Variants in S1PR4 observed in about 807,000 individuals in gnomAD.
S1PR4 encodes sphingosine-1-phosphate receptor 4.
In S1PR4, 1 loss-of-function variant was observed where a neutral mutation model predicts 0.4. The ratio of observed to expected loss-of-function variants is 2.48; its 90% CI spans 0.88 to 11.76. The LOEUF is 11.76. Among genes scored for constraint, S1PR4 ranks in the 30% most tolerant of loss-of-function variants. The pLI, the probability that S1PR4 is intolerant of heterozygous loss-of-function variation, is 0.12. For missense variants in S1PR4, 595 were observed against 557.8 expected (o/e 1.07, Z -0.67); for synonymous variants, 296 against 266.7 (o/e 1.11, Z -1.07).
At position 3,179,283 on chromosome 19, in the gene S1PR4, G is replaced by T; in HGVS notation, c.491G>T (p.Gly164Val). 6.2e-7 allele frequency: 1 copy of T among 1,606,560 alleles called. No homozygotes were observed. The change falls in exon 1 of 1, where the codon GGC (glycine) becomes GTC (valine). Residue 164 changes from glycine (G) to valine (V), a missense_variant. Transcript: ENST00000246115. ...GCCACCAAGACCAGCCGCGTCTACG[G>T]CTTCATCGGCCTCTGCTGGCTGCTG... The part of the protein sequence containing the change: ...SGATKTSRVY[G>V]FIGLCWLLAA...
In S1PR4 at chr19:3,179,032, G is replaced by C; in HGVS notation, c.240G>C (p.Trp80Cys). The change falls in exon 1 of 1, where the codon TGG becomes TGC. Residue 80 changes from tryptophan (W) to cysteine (C), a missense_variant. Trp to Cys is a radical substitution (Grantham distance 215, BLOSUM62 -2). Coordinates refer to ENST00000246115, the MANE Select transcript of S1PR4 (RefSeq NM_003775.4). The part of the protein sequence containing the change: ...AITSHMRSRR[W>C]VYYCLVNITL... ...CCAGCCACATGCGGTCGCGACGCTG[G>C]GTCTACTATTGCCTGGTGAACATCA... The C allele has an allele frequency of 3.1e-6, 5 of 1,605,244 alleles. No homozygotes were observed. Among genetic ancestry groups the C allele is most frequent in the Non-Finnish European group, 4.2e-6 (5 of 1,178,972 alleles).
In S1PR4 at chr19:3,179,007, C is replaced by T. The variant is rs1210979921; in HGVS notation, c.215C>T (p.Thr72Ile). 1.9e-6 allele frequency: 3 copies of T among 1,593,806 alleles called. No individual in the cohort carries two copies. The highest frequency in any genetic ancestry group is 2.6e-6 in the Non-Finnish European group (3 of 1,175,124). Residue 72 changes from threonine to isoleucine, a missense_variant, in exon 1 of 1, where the codon ACC (threonine) becomes ATC (isoleucine). Coordinates refer to ENST00000246115, the MANE Select transcript of S1PR4 (RefSeq NM_003775.4). ...LENLLVLAAITSHMRSRRWVY... is the reference protein window; with the variant it reads ...LENLLVLAAIISHMRSRRWVY... ...AACTTGCTGGTGCTGGCGGCCATCA[C>T]CAGCCACATGCGGTCGCGACGCTGG...
In S1PR4 at chr19:3,178,958, G is replaced by A. The variant is rs770756118; in HGVS notation, c.166G>A (p.Ala56Thr). The A allele has an allele frequency of 3.0e-5, 47 of 1,548,322 alleles. No homozygotes were observed. Among genetic ancestry groups the A allele is most frequent in the Middle Eastern group, 2.2e-4 (1 of 4,642 alleles). Residue 56 changes from alanine to threonine, a missense_variant, in exon 1 of 1, where the codon GCC becomes ACC. Ala to Thr is a moderately conservative substitution (Grantham distance 58). Coordinates refer to ENST00000246115, the MANE Select transcript of S1PR4 (RefSeq NM_003775.4). ...LGALRGLSVA[A>T]SCLVVLENLL... ...GGCCCTGCGGGGGCTGTCGGTGGCCGCCAGCTGCCTGGTGGTGCTGGAGAA... is the reference window on the plus strand; with the variant it reads ...GGCCCTGCGGGGGCTGTCGGTGGCCACCAGCTGCCTGGTGGTGCTGGAGAA...
chr19:3,179,840 A>G lies in S1PR4; in HGVS notation c.1048A>G (p.Thr350Ala). ...CGTCGAGGCTCACTCCGGAGCTTCC[A>G]CCACCGACAGCTCTCTGAGGCCAAG... ...RAVEAHSGAS[T>A]TDSSLRPRDS... The change falls in exon 1 of 1, where the codon ACC (threonine) becomes GCC (alanine). Residue 350 changes from threonine (T) to alanine (A), a missense_variant. Physicochemically the swap from Thr to Ala is moderately conservative, Grantham distance 58. Transcript: ENST00000246115. 6.3e-7 allele frequency: 1 copy of G among 1,583,098 alleles called. No individual in the cohort carries two copies. The highest frequency in any genetic ancestry group is 8.6e-7 in the Non-Finnish European group (1 of 1,164,720).
At position 3,179,168 on chromosome 19, in the gene S1PR4, T is replaced by C. The variant is rs1341882371; in HGVS notation, c.376T>C (p.Phe126Leu). ...AQWFLREGLL[F>L]TALAASTFSL... Reference sequence around the variant, plus strand: ...GTGGTTCCTACGGGAGGGCCTGCTCTTCACCGCCCTGGCCGCCTCCACCTT... The same window carrying C: ...GTGGTTCCTACGGGAGGGCCTGCTCCTCACCGCCCTGGCCGCCTCCACCTT... The change falls in exon 1 of 1, where the codon TTC (phenylalanine) becomes CTC (leucine). Residue 126 changes from phenylalanine to leucine, a missense_variant. Phe to Leu is a conservative substitution (Grantham distance 22, BLOSUM62 0). Coordinates refer to ENST00000246115, the MANE Select transcript of S1PR4 (RefSeq NM_003775.4). The C allele has an allele frequency of 1.2e-6, 2 of 1,611,212 alleles. No homozygotes were observed. Among genetic ancestry groups the C allele is most frequent in the Non-Finnish European group, 8.5e-7 (1 of 1,179,082 alleles).
At position 3,179,293 on chromosome 19, in the gene S1PR4, C is replaced by T. The variant is rs752484901; in HGVS notation, c.501C>T (p.Gly167=). The change falls in exon 1 of 1, where the codon GGC becomes GGT. Residue 167 remains glycine (G), a synonymous_variant. Transcript: ENST00000246115. ...TKTSRVYGFI[G]LCWLLAALLG... ...CCAGCCGCGTCTACGGCTTCATCGG[C>T]CTCTGCTGGCTGCTGGCCGCGCTGC... 2.2e-5 allele frequency: 35 copies of T among 1,608,270 alleles called. No individual in the cohort carries two copies. Among genetic ancestry groups the T allele is most frequent in the Non-Finnish European group, 2.6e-5 (31 of 1,177,602 alleles).
rs117794457 is a variant in S1PR4, at chr19:3,179,059, G to A, written c.267G>A (p.Thr89=). Reference sequence around the variant, plus strand: ...TCTACTATTGCCTGGTGAACATCACGCTGAGTGACCTGCTCACGGGCGCGG... The same window carrying A: ...TCTACTATTGCCTGGTGAACATCACACTGAGTGACCTGCTCACGGGCGCGG... ...RWVYYCLVNI[T]LSDLLTGAAY... Residue 89 remains threonine (T), a synonymous_variant, in exon 1 of 1, where the codon ACG becomes ACA. Coordinates refer to ENST00000246115, the MANE Select transcript of S1PR4 (RefSeq NM_003775.4). The A allele has an allele frequency of 9.9e-4, 1,600 of 1,609,190 alleles. 1 individual carries two copies. The highest frequency in any genetic ancestry group is 2.4e-3 in the East Asian group (107 of 44,860).
rs778768895 is a variant in S1PR4, at chr19:3,179,494, G to A, written c.702G>A (p.Gly234=). Residue 234 remains glycine (G), a synonymous_variant, in exon 1 of 1, where the codon GGG becomes GGA. Coordinates refer to ENST00000246115, the MANE Select transcript of S1PR4 (RefSeq NM_003775.4). The part of the protein sequence containing the change: ...GAIFRLVQAS[G]QKAPRPAARR... ...TCTTCCGCCTGGTGCAGGCCAGCGG[G>A]CAGAAGGCCCCACGCCCAGCGGCCC... The A allele has an allele frequency of 1.2e-6, 2 of 1,611,134 alleles. No homozygotes were observed. The highest frequency in any genetic ancestry group is 4.5e-5 in the East Asian group (2 of 44,846).
Position 3,179,440 on chromosome 19 carries a change from G to A in S1PR4, c.648G>A (p.Leu216=). 1 of 1,613,272 alleles carries A rather than the reference G, an allele frequency of 6.2e-7. No individual in the cohort carries two copies. Among genetic ancestry groups the A allele is most frequent in the Non-Finnish European group, 8.5e-7 (1 of 1,179,920 alleles). The change falls in exon 1 of 1, where the codon CTG becomes CTA. Residue 216 remains leucine (L), a synonymous_variant. Coordinates refer to ENST00000246115, the MANE Select transcript of S1PR4 (RefSeq NM_003775.4). ...GCCTGGTGATCTTCGCCGGCGTCCT[G>A]GCCACCATCATGGGCCTCTATGGGG... ...LFCLVIFAGV[L]ATIMGLYGAI...
Position 3,179,274 on chromosome 19 carries a change from G to A in S1PR4, c.482G>A (p.Arg161His), listed in dbSNP as rs372129468. The A allele has an allele frequency of 2.4e-5, 38 of 1,603,498 alleles. No individual in the cohort carries two copies. The highest frequency in any genetic ancestry group is 2.6e-5 in the Non-Finnish European group (31 of 1,175,004). Residue 161 changes from arginine (R) to histidine (H), a missense_variant, in exon 1 of 1, where the codon CGC becomes CAC. By Grantham distance (29) the Arg-to-His change is conservative. Transcript: ENST00000246115. ...VAESGATKTS[R>H]VYGFIGLCWL... ...GAGAGCGGGGCCACCAAGACCAGCC[G>A]CGTCTACGGCTTCATCGGCCTCTGC...
Position 3,178,858 on chromosome 19 carries a change from C to A in S1PR4, c.66C>A (p.Ser22Arg). Reference sequence around the variant, plus strand: ...AACAGCTGGCGGCCGGCGGGCACAGCCGGCTCATTGTTCTGCACTACAACC... The same window carrying A: ...AACAGCTGGCGGCCGGCGGGCACAGACGGCTCATTGTTCTGCACTACAACC... ...SCQQLAAGGH[S>R]RLIVLHYNHS... Residue 22 changes from serine to arginine, a missense_variant, in exon 1 of 1, where the codon AGC becomes AGA. Coordinates refer to ENST00000246115, the MANE Select transcript of S1PR4 (RefSeq NM_003775.4). 2 of 1,535,454 alleles carry A rather than the reference C, an allele frequency of 1.3e-6. No homozygotes were observed. The highest frequency in any genetic ancestry group is 8.7e-7 in the Non-Finnish European group (1 of 1,147,104).
In S1PR4 at chr19:3,179,911, G is replaced by A; in HGVS notation, c.1119G>A (p.Glu373=). 6.6e-7 allele frequency: 1 copy of A among 1,517,792 alleles called. No individual in the cohort carries two copies. Among genetic ancestry groups the A allele is most frequent in the Non-Finnish European group, 8.8e-7 (1 of 1,133,666 alleles). The allele number at this position is 1,517,792 out of a possible 1,614,324, so 94.0% of individuals were successfully genotyped here. Reference sequence around the variant, plus strand: ...GCTCGCTCAGCTTTCGGATGCGGGAGCCCCTGTCCAGCATCTCCAGCGTGC... The same window carrying A: ...GCTCGCTCAGCTTTCGGATGCGGGAACCCCTGTCCAGCATCTCCAGCGTGC... ...GSRSLSFRMR[E]PLSSISSVRS... Residue 373 remains glutamate (E), a synonymous_variant, in exon 1 of 1, where the codon GAG becomes GAA. Transcript: ENST00000246115.
In S1PR4 at chr19:3,179,589, CACTCT is replaced by C; in HGVS notation, c.798_802del (p.Leu267ArgfsTer170). 1 of 1,613,166 alleles carries C rather than the reference CACTCT, an allele frequency of 6.2e-7. No homozygotes were observed. Among genetic ancestry groups the C allele is most frequent in the Non-Finnish European group, 8.5e-7 (1 of 1,179,852 alleles). ...CTGGCCTTCCTGGTGTGCTGGGGCCCACTCTTCGGGCTGCTGCTGGCCGACGTCTT... is the reference window on the plus strand; with the variant it reads ...CTGGCCTTCCTGGTGTGCTGGGGCCCTCGGGCTGCTGCTGGCCGACGTCTT... On this transcript the variant is annotated frameshift_variant, in exon 1 of 1. Coordinates refer to ENST00000246115, the MANE Select transcript of S1PR4 (RefSeq NM_003775.4). LOFTEE classifies it low-confidence loss of function (END_TRUNC).
chr19:3,179,663 T>A lies in S1PR4; in HGVS notation c.871T>A (p.Trp291Arg). Residue 291 changes from tryptophan (W) to arginine (R), a missense_variant, in exon 1 of 1, where the codon TGG becomes AGG. Physicochemically the swap from Trp to Arg is moderately radical, Grantham distance 101 (BLOSUM62 -3). Transcript: ENST00000246115. ...WAQEYLRGMD[W>R]ILALAVLNSA... ...CCAGGAGTACCTGCGGGGCATGGAC[T>A]GGATCCTGGCCCTGGCCGTCCTCAA... is the stretch of plus-strand genomic sequence containing the variant. 6.2e-7 allele frequency: 1 copy of A among 1,613,504 alleles called. No individual in the cohort carries two copies. The highest frequency in any genetic ancestry group is 1.6e-4 in the Middle Eastern group (1 of 6,062).
Position 3,179,058 on chromosome 19 carries a change from C to G in S1PR4, c.266C>G (p.Thr89Arg). The change falls in exon 1 of 1, where the codon ACG becomes AGG. Residue 89 changes from threonine (T) to arginine (R), a missense_variant. Thr to Arg is a moderately conservative substitution (Grantham distance 71, BLOSUM62 -1). Transcript: ENST00000246115. ...GTCTACTATTGCCTGGTGAACATCA[C>G]GCTGAGTGACCTGCTCACGGGCGCG... Reference protein sequence around the residue: ...RWVYYCLVNITLSDLLTGAAY... With the variant: ...RWVYYCLVNIRLSDLLTGAAY... The G allele has an allele frequency of 1.2e-6, 2 of 1,609,178 alleles. No individual in the cohort carries two copies. Among genetic ancestry groups the G allele is most frequent in the Non-Finnish European group, 1.7e-6 (2 of 1,179,650 alleles).
Position 3,179,878 on chromosome 19 carries a change from C to A in S1PR4, c.1086C>A (p.Arg362=). The change falls in exon 1 of 1, where the codon CGC becomes CGA. Residue 362 remains arginine, a synonymous_variant. Transcript: ENST00000246115. ...CTCTGAGGCCAAGGGACAGCTTTCG[C>A]GGCTCCCGCTCGCTCAGCTTTCGGA... ...DSSLRPRDSF[R]GSRSLSFRMR... 2 of 1,538,420 alleles carry A rather than the reference C, an allele frequency of 1.3e-6. No individual in the cohort carries two copies. Among genetic ancestry groups the A allele is most frequent in the Non-Finnish European group, 1.7e-6 (2 of 1,143,648 alleles).
Position 3,179,597 on chromosome 19 carries a change from G to C in S1PR4, c.805G>C (p.Gly269Arg), listed in dbSNP as rs553676200. 3 of 1,613,070 alleles carry C rather than the reference G, an allele frequency of 1.9e-6. No homozygotes were observed. The highest frequency in any genetic ancestry group is 2.2e-5 in the East Asian group (1 of 44,856). The change falls in exon 1 of 1, where the codon GGG becomes CGG. Residue 269 changes from glycine (G) to arginine (R), a missense_variant. Transcript: ENST00000246115. ...CCTGGTGTGCTGGGGCCCACTCTTC[G>C]GGCTGCTGCTGGCCGACGTCTTTGG... ...AFLVCWGPLF[G>R]LLLADVFGSN...
chr19:3,178,906 CG>C lies in S1PR4; in HGVS notation c.120del (p.Pro41ArgfsTer46). 2 of 1,522,562 alleles carry C rather than the reference CG, an allele frequency of 1.3e-6. No homozygotes were observed. The highest frequency in any genetic ancestry group is 1.2e-5 in the South Asian group (1 of 82,260). The allele number at this position is 1,522,562 out of a possible 1,614,324, so 94.3% of individuals were successfully genotyped here. On this transcript the variant is annotated frameshift_variant, in exon 1 of 1. Coordinates refer to ENST00000246115, the MANE Select transcript of S1PR4 (RefSeq NM_003775.4). LOFTEE classifies it low-confidence loss of function (END_TRUNC). ...ACCACTCGGGCCGGCTGGCCGGGCG[CG>C]GGGGGCCGGAGGATGGCGGCCTGGG... The part of the protein sequence containing the change: ...YNHSGRLAGR[G>X]GPEDGGLGAL...
Position 3,178,954 on chromosome 19 carries a change from G to C in S1PR4, c.162G>C (p.Val54=). 4 of 1,545,918 alleles carry C rather than the reference G, an allele frequency of 2.6e-6. No individual in the cohort carries two copies. In the South Asian group the frequency reaches 3.5e-5, roughly 14 times the overall value. Residue 54 remains valine, a synonymous_variant, in exon 1 of 1, where the codon GTG becomes GTC. Transcript: ENST00000246115. ...TGGGGGCCCTGCGGGGGCTGTCGGT[G>C]GCCGCCAGCTGCCTGGTGGTGCTGG... ...GGLGALRGLS[V]AASCLVVLEN...
Sources: gnomAD v4.1 joint callset for allele counts on GRCh38, gnomAD v4.1.1 for gene constraint, MANE v1.5 for transcripts, NCBI Gene and HGNC (gene_info 2026-07-23, HGNC 2026-07-21) for gene names.